The following UBE2E2 variants were observed in gnomAD, a reference collection of about 807,000 sequenced individuals.
UBE2E2 encodes ubiquitin-conjugating enzyme E2 E2.
In UBE2E2, 6 loss-of-function variants were observed where a neutral mutation model predicts 24.7. The observed-to-expected ratio is 0.24, with a 90% CI of 0.13 to 0.48. The LOEUF (loss-of-function observed/expected upper bound fraction) is 0.48. Ranked by LOEUF, UBE2E2 falls within the 20% of genes least tolerant of loss-of-function variation. UBE2E2 has a pLI of 0.99. For missense variants in UBE2E2, 169 were observed against 245.0 expected (o/e 0.69, Z 2.07); for synonymous variants, 104 against 83.6 (o/e 1.24, Z -1.33).
At chr3:23,547,354 C>T (rs1398381839) in intron 5 of UBE2E2, among the ~76,000 whole-genome samples, 1 of 152,166 alleles carries the variant, frequency 6.6e-6, no homozygotes, top group Non-Finnish European at 1.5e-5. Context: ...TTTAAAATAC[C>T]CAGAAATGAT....
At chr3:23,251,777 CTATTTATG>C (rs1697580599) in intron 3 of UBE2E2, among the ~76,000 whole-genome samples, 1 of 152,128 alleles carries the variant, frequency 6.6e-6, no homozygotes, top group Non-Finnish European at 1.5e-5. Flanking sequence ...TCTCTCTCGA[CTATTTATG>C]TATTAGGAGA....
At chr3:23,255,309 G>A (rs1046363101) in intron 3 of UBE2E2, among the ~76,000 whole-genome samples, 2 of 151,244 alleles carry the variant, frequency 1.3e-5, no homozygotes, top group Non-Finnish European at 2.9e-5. Context: ...GCGCAGGCTG[G>A]TCTCGAACTC....
At chr3:23,486,106 G>C (rs1444438256) in intron 3 of UBE2E2, among the ~76,000 whole-genome samples, 1 of 152,204 alleles carries the variant, frequency 6.6e-6, no homozygotes, top group African/African-American at 2.4e-5. Context: ...TACTGGCCTG[G>C]ATCCCACACC....
chr3:23,349,450 G>C (rs931959363), intron 3 of UBE2E2, among the ~76,000 whole-genome samples: 1 of 152,206 alleles, frequency 6.6e-6, no homozygotes, highest in African/African-American at 2.4e-5. Context: ...CTCGGGAAGC[G>C]CAAGGGGTCA....
At chr3:23,388,424 CAT>C (rs1366288703) in intron 3 of UBE2E2, among the ~76,000 whole-genome samples, 1 of 152,168 alleles carries the variant, frequency 6.6e-6, no homozygotes, top group Non-Finnish European at 1.5e-5. Flanking sequence ...CTCTGTTAGA[CAT>C]AGAGAAGTTA....
chr3:23,246,564 G>A (rs1351246551), intron 3 of UBE2E2, among the ~76,000 whole-genome samples: 1 of 151,606 alleles, frequency 6.6e-6, no homozygotes, highest in African/African-American at 2.4e-5. Context: ...AAAATTTTTT[G>A]TAGAGATGGG....
chr3:23,307,573 G>A (rs1251476311), intron 3 of UBE2E2, among the ~76,000 whole-genome samples: 1 of 152,090 alleles, frequency 6.6e-6, no homozygotes, highest in African/African-American at 2.4e-5. Flanking sequence ...TTATTTAAAT[G>A]AAAGCATCTA....
intron 3 of UBE2E2, among the ~76,000 whole-genome samples, chr3:23,361,053 A>C (rs1226806079): frequency 6.6e-6 from 1 of 152,202 alleles, no homozygotes; most frequent in East Asian, 1.9e-4. Context: ...AAGATATACA[A>C]ACAGCCAACA....
At chr3:23,357,083 G>T (rs6778478) in intron 3 of UBE2E2, among the ~76,000 whole-genome samples, 1 of 152,000 alleles carries the variant, frequency 6.6e-6, no homozygotes, top group Non-Finnish European at 1.5e-5. Flanking sequence ...TAAATGCTTT[G>T]ACCTGGCTTA....
At chr3:23,397,080 T>G (rs1167119696) in intron 3 of UBE2E2, among the ~76,000 whole-genome samples, 2 of 152,216 alleles carry the variant, frequency 1.3e-5, no homozygotes, top group Admixed American at 1.3e-4. Flanking sequence ...GGGTTATAAT[T>G]GAAACATCAG....
chr3:23,382,628 A>T (rs572616482), intron 3 of UBE2E2, among the ~76,000 whole-genome samples: 49 of 152,288 alleles, frequency 3.2e-4, no homozygotes, highest in Middle Eastern at 6.8e-3. Context: ...ATTATTTTAC[A>T]TTTTCTATTC....
intron 3 of UBE2E2, among the ~76,000 whole-genome samples, chr3:23,330,901 G>A (rs1695040840): frequency 6.6e-6 from 1 of 152,086 alleles, no homozygotes; most frequent in Non-Finnish European, 1.5e-5. Flanking sequence ...AAACTGTTAA[G>A]CTACTTAATT....
chr3:23,396,321 A>G lies in UBE2E2; in HGVS notation c.228-103287A>G, dbSNP rs192976445. Among the ~76,000 whole-genome samples, 141 of 112,412 alleles carry G rather than the reference A, an allele frequency of 1.3e-3. 1 individual carries two copies. The highest frequency in any genetic ancestry group is 4.5e-3 in the African/African-American group (132 of 29,230). 73.7% of individuals were successfully genotyped at this position (112,412 alleles called of 152,430 possible). A position where few individuals can be genotyped will look rare whatever the true frequency, so the allele number is the denominator to read the frequency against. The stretch of plus-strand genomic sequence containing the variant: ...TTATTTTTTATATATATATATATGT[A>G]TATATATACGTATATATATATATAG... On this transcript the variant is annotated intron_variant, in intron 3 of 5. Coordinates refer to ENST00000396703, the MANE Select transcript of UBE2E2 (RefSeq NM_152653.4).
chr3:23,357,782 G>T (rs548124766), intron 3 of UBE2E2, among the ~76,000 whole-genome samples: 8 of 152,284 alleles, frequency 5.3e-5, no homozygotes, highest in African/African-American at 1.9e-4. Flanking sequence ...AACATACGGT[G>T]TCTACATTTA....
At chr3:23,472,457 C>G (rs568393697) in intron 3 of UBE2E2, among the ~76,000 whole-genome samples, 1 of 152,098 alleles carries the variant, frequency 6.6e-6, no homozygotes, top group Non-Finnish European at 1.5e-5. Flanking sequence ...AAGGTACTTC[C>G]AAGCACCATC....
intron 3 of UBE2E2, among the ~76,000 whole-genome samples, chr3:23,278,125 G>A (rs1698409724): frequency 2.0e-5 from 3 of 151,990 alleles, no homozygotes; most frequent in African/African-American, 7.2e-5. Flanking sequence ...TACCTTCTGG[G>A]AAAAGAGAAT....
At chr3:23,519,557 A>G (rs373377609) in intron 4 of UBE2E2, among the ~76,000 whole-genome samples, 1 of 152,230 alleles carries the variant, frequency 6.6e-6, no homozygotes, top group East Asian at 1.9e-4. Context: ...AAGATTATAC[A>G]TGTTAAGTGA....
At chr3:23,562,237 C>T (rs201459591) in intron 5 of UBE2E2, among the ~76,000 whole-genome samples, 4,386 of 151,958 alleles carry the variant, frequency 0.029, 107 homozygotes, top group East Asian at 0.13. Context: ...TTTTGAGATA[C>T]GTCCCATCAA....
At chr3:23,401,651 A>G (rs1234935544) in intron 3 of UBE2E2, among the ~76,000 whole-genome samples, 1 of 152,058 alleles carries the variant, frequency 6.6e-6, no homozygotes, top group Non-Finnish European at 1.5e-5. Flanking sequence ...GTCCTGGGAC[A>G]TAGCCAGAGA....
Sources: allele counts gnomAD v4.1 joint callset (sites outside exome capture counted in the v4.1 genomes callset), GRCh38; gene constraint gnomAD v4.1.1; transcripts MANE v1.5; gene names NCBI Gene and HGNC (gene_info 2026-07-23, HGNC 2026-07-21).